The following SFXN5 variants were observed in gnomAD, a reference collection of about 807,000 sequenced individuals.
The protein encoded by SFXN5 is sideroflexin-5.
Under a neutral mutation model 50.2 loss-of-function variants are expected in SFXN5, and 43 were observed. The observed-to-expected ratio is 0.86, with a 90% CI of 0.67 to 1.11. The LOEUF (loss-of-function observed/expected upper bound fraction) is 1.11, where lower values mean the gene tolerates loss of function less well. SFXN5 is among the 50% of genes least tolerant of loss of function. SFXN5 has a pLI of 0.00. For synonymous variants in SFXN5, 203 were observed against 185.8 expected (o/e 1.09, Z -0.75); for missense variants, 463 against 454.1 (o/e 1.02, Z -0.18).
In SFXN5 at chr2:72,960,996, G is replaced by T; in HGVS notation, c.945+135C>A. 1 of 557,738 alleles carries T rather than the reference G, an allele frequency of 1.8e-6. No individual in the cohort carries two copies. The highest frequency in any genetic ancestry group is 2.9e-6 in the Non-Finnish European group (1 of 342,194). 34.5% of individuals were successfully genotyped at this position (557,738 alleles called of 1,614,324 possible). A position where few individuals can be genotyped will look rare whatever the true frequency, so the allele number is the denominator to read the frequency against. On this transcript the variant is annotated intron_variant, in intron 13 of 13. Coordinates refer to ENST00000272433, the MANE Select transcript of SFXN5 (RefSeq NM_144579.3). This position sits in a 1 kb window ranked among gnomAD's most constrained non-coding sequence, Gnocchi z 6.1. ...ACCCTCACTCTGAGGGCCAGAGCCT[G>T]GGCCAGCCTCATTCACGGTTCCAGC...
In SFXN5 at chr2:73,023,094, A is replaced by G; in HGVS notation, c.276+94T>C. The G allele has an allele frequency of 1.1e-5, 14 of 1,293,272 alleles. No individual in the cohort carries two copies. In the South Asian group the frequency reaches 1.9e-4, roughly 17 times the overall value. 80.1% of individuals were successfully genotyped at this position (1,293,272 alleles called of 1,614,324 possible). ...GGCAAATGTGAGAGCCCGAAGAGCC[A>G]CCGGAGGGGGGCTTCCACTAGATCC... On this transcript the variant is annotated intron_variant, in intron 4 of 13. Coordinates refer to ENST00000272433, the MANE Select transcript of SFXN5 (RefSeq NM_144579.3).
chr2:73,000,625 G>A (rs1282918592), intron 7 of SFXN5, 138 bp from the exon 8 acceptor site: 18 of 797,222 alleles, frequency 2.3e-5, no homozygotes, highest in African/African-American at 1.4e-4. Context: ...CCATGCTGCC[G>A]GTCAGCATGA....
rs145560305 is a variant in SFXN5 at position 73,036,405 on chromosome 2, C to T, written c.249+4449G>A. 4.6e-5 allele frequency among the ~76,000 whole-genome samples: 7 copies of T among 152,240 alleles called. No individual in the cohort carries two copies. The East Asian group carries it at 1.4e-3, about 29-fold the overall frequency. Reference sequence around the variant, plus strand: ...CTAGGGGGCCATAGTGGCAGGCTCACACCTAGAGCACTGTGCTACCCAGCC... The same window carrying T: ...CTAGGGGGCCATAGTGGCAGGCTCATACCTAGAGCACTGTGCTACCCAGCC... On this transcript the variant is annotated intron_variant, in intron 3 of 13. Coordinates refer to ENST00000272433, the MANE Select transcript of SFXN5 (RefSeq NM_144579.3).
At position 73,001,535 on chromosome 2, in the gene SFXN5, A is replaced by G; in HGVS notation, c.401T>C (p.Val134Ala). ...CTGCGAGACTGTTACCTGCCAGAAG[A>G]CAGTGGATGCCAGTGTCTGGTTGGG... ...LLPNQTLAST[V>A]FWQWLNQSHN... The change falls in exon 7 of 14, where the codon GTC becomes GCC. Residue 134 changes from valine (V) to alanine (A), a missense_variant. Physicochemically the swap from Val to Ala is moderately conservative, Grantham distance 64 (BLOSUM62 0). Transcript: ENST00000272433. 6.2e-7 allele frequency: 1 copy of G among 1,614,230 alleles called. No individual in the cohort carries two copies. Among genetic ancestry groups the G allele is most frequent in the East Asian group, 2.2e-5 (1 of 44,884 alleles).
At chr2:72,994,878 T>C (rs1673025238) in intron 9 of SFXN5, 1 of 152,164 alleles carries the variant, frequency 6.6e-6, no homozygotes, top group Non-Finnish European at 1.5e-5. Context: ...GAGCCCGGAG[T>C]TGGTCATGCT....
chr2:72,945,042 C>G lies in SFXN5; in HGVS notation c.1003G>C (p.Val335Leu), dbSNP rs1671777997. The G allele has an allele frequency of 6.2e-7, 1 of 1,613,894 alleles. No individual in the cohort carries two copies. Among genetic ancestry groups the G allele is most frequent in the Non-Finnish European group, 8.5e-7 (1 of 1,179,926 alleles). ...CACACTCACAACCCCTTGTTGTACA[C>G]CACTGTCCGGCTGCTCGTGGCCTGG... The part of the protein sequence containing the change: ...IAQATSSRTV[V>L]YNKGL Residue 335 changes from valine (V) to leucine (L), a missense_variant, in exon 14 of 14, where the codon GTG becomes CTG. Coordinates refer to ENST00000272433, the MANE Select transcript of SFXN5 (RefSeq NM_144579.3). This position sits in a 1 kb window ranked among gnomAD's most constrained non-coding sequence, Gnocchi z 5.8.
chr2:73,020,240 A>C lies in SFXN5; in HGVS notation c.356T>G (p.Ile119Ser). The C allele has an allele frequency of 6.2e-7, 1 of 1,614,034 alleles. No individual in the cohort carries two copies. Among genetic ancestry groups the C allele is most frequent in the Non-Finnish European group, 8.5e-7 (1 of 1,179,910 alleles). Reference sequence around the variant, plus strand: ...AAATCCTTTGAAGGTAACACTTACAATTGGCGTCCCAAAAGGAATATAACC... The same window carrying C: ...AAATCCTTTGAAGGTAACACTTACACTTGGCGTCCCAAAAGGAATATAACC... ...MSGYIPFGTP[I>S]VVGLLLPNQT... Residue 119 changes from isoleucine (I) to serine (S), a missense_variant and splice_region_variant, in exon 6 of 14, where the codon ATT becomes AGT. By Grantham distance (142) the Ile-to-Ser change is moderately radical. Transcript: ENST00000272433.
intron 11 of SFXN5, among the ~76,000 whole-genome samples, chr2:72,971,072 T>C (rs1675109329): frequency 6.6e-6 from 1 of 152,158 alleles, no homozygotes; most frequent in Non-Finnish European, 1.5e-5. Context: ...AACAAAATAT[T>C]CTCCAAACCT....
chr2:72,968,654 G>A, intron 11 of SFXN5, 121 bp from the exon 12 acceptor site: 1 of 822,584 alleles, frequency 1.2e-6, no homozygotes, highest in Non-Finnish European at 1.9e-6. Flanking sequence ...CCTTATTCAT[G>A]GGATTGCTCA....
chr2:73,060,408 C>A (rs1682662987), intron 1 of SFXN5, among the ~76,000 whole-genome samples: 1 of 152,042 alleles, frequency 6.6e-6, no homozygotes, highest in South Asian at 2.1e-4. Context: ...CAAACCCACA[C>A]TGACAGACAT....
chr2:73,059,745 A>G, intron 1 of SFXN5: 1 of 978,698 alleles, frequency 1.0e-6, no homozygotes, highest in African/African-American at 1.8e-5. Flanking sequence ...AACCTCTTAT[A>G]ATCCACACAG....
Position 72,992,901 on chromosome 2 carries a change from T to C in SFXN5, c.535-4553A>G, listed in dbSNP as rs909611726. 1.3e-5 allele frequency among the ~76,000 whole-genome samples: 2 copies of C among 152,124 alleles called. No individual in the cohort carries two copies. Among genetic ancestry groups the C allele is most frequent in the Non-Finnish European group, 2.9e-5 (2 of 68,008 alleles). On this transcript the variant is annotated intron_variant, in intron 9 of 13. Transcript: ENST00000272433. The surrounding 1 kb of genome is among the most constrained non-coding windows in gnomAD (Gnocchi z 4.5). Reference sequence around the variant, plus strand: ...GCTTGCTTGCAAGGCTCTGGCTACCTGTATGAGGAGGTGCCGTGAGGGAGT... The same window carrying C: ...GCTTGCTTGCAAGGCTCTGGCTACCCGTATGAGGAGGTGCCGTGAGGGAGT...
intron 8 of SFXN5, among the ~76,000 whole-genome samples, chr2:73,000,101 C>T (rs1673719645): frequency 6.6e-6 from 1 of 152,206 alleles, no homozygotes; most frequent in South Asian, 2.1e-4. Flanking sequence ...CCATCATGAT[C>T]CAAAACCCAA....
chr2:73,003,267 C>A (rs548672056), intron 6 of SFXN5, among the ~76,000 whole-genome samples: 1 of 152,300 alleles, frequency 6.6e-6, no homozygotes, highest in African/African-American at 2.4e-5. Flanking sequence ...AGCACGTCAT[C>A]CCCTGATCTG....
chr2:73,018,966 T>C (rs745394095), intron 6 of SFXN5, among the ~76,000 whole-genome samples: 15 of 152,172 alleles, frequency 9.9e-5, no homozygotes, highest in Non-Finnish European at 1.9e-4. Flanking sequence ...ATATATCCAC[T>C]AAAAGACTTG....
chr2:73,027,730 G>T (rs1677761112), intron 3 of SFXN5, among the ~76,000 whole-genome samples: 1 of 151,958 alleles, frequency 6.6e-6, no homozygotes, highest in Non-Finnish European at 1.5e-5. Context: ...TATCATCACA[G>T]CTCACTACAG....
At chr2:73,008,687 C>T (rs1397616774) in intron 6 of SFXN5, among the ~76,000 whole-genome samples, 1 of 152,086 alleles carries the variant, frequency 6.6e-6, no homozygotes, top group African/African-American at 2.4e-5. Context: ...TGGAAAGATA[C>T]CTGAAGAAAG....
chr2:73,068,592 C>T (rs1041515280), intron 1 of SFXN5, among the ~76,000 whole-genome samples: 5 of 151,972 alleles, frequency 3.3e-5, no homozygotes, highest in Admixed American at 6.6e-5. Flanking sequence ...AATTCAAGTC[C>T]GCAAAGCCCT....
At position 72,973,298 on chromosome 2, in the gene SFXN5, C is replaced by A. The variant is rs1670245716; in HGVS notation, c.626-1613G>T. 5.9e-6 allele frequency: 1 copy of A among 168,898 alleles called. No individual in the cohort carries two copies. 10.5% of individuals were successfully genotyped at this position (168,898 alleles called of 1,614,324 possible). A position where few individuals can be genotyped will look rare whatever the true frequency, so the allele number is the denominator to read the frequency against. On this transcript the variant is annotated intron_variant, in intron 10 of 13. Transcript: ENST00000272433. This position sits in a 1 kb window ranked among gnomAD's most constrained non-coding sequence, Gnocchi z 5.5. ...TCCCTCTGTGTCCCGGGCTCTCCTGCCCCACAACAGGCATGCTCACCTGCC... is the reference window on the plus strand; with the variant it reads ...TCCCTCTGTGTCCCGGGCTCTCCTGACCCACAACAGGCATGCTCACCTGCC...
Sources: allele counts gnomAD v4.1 joint callset (sites outside exome capture counted in the v4.1 genomes callset), GRCh38; gene constraint gnomAD v4.1.1; non-coding constraint Gnocchi (gnomAD v3.1); transcripts MANE v1.5; gene names NCBI Gene and HGNC (gene_info 2026-07-23, HGNC 2026-07-21).